The following OCA2 variants were observed in gnomAD, a reference collection of about 807,000 sequenced individuals.
OCA2 encodes the protein OCA2 melanosomal transmembrane protein.
A neutral mutation model predicts 100.2 loss-of-function variants in OCA2; 77 were observed. The observed-to-expected ratio is 0.77, with a 90% CI of 0.64 to 0.93. The LOEUF is 0.93. Ranked by LOEUF, OCA2 falls within the 40% of genes least tolerant of loss-of-function variation. The pLI, the probability that OCA2 is intolerant of heterozygous loss-of-function variation, is 0.00. For synonymous variants in OCA2, 432 were observed against 439.2 expected, an observed-to-expected ratio of 0.98 and a Z score of 0.21; for missense variants, 1,062 against 1,089.1, an observed-to-expected ratio of 0.98 and a Z score of 0.35.
At chr15:27,731,154 G>A in the OCA2 span, among the ~76,000 whole-genome samples, 2 of 152,076 alleles carry the variant, frequency 1.3e-5, no homozygotes, top group Non-Finnish European at 2.9e-5. Flanking sequence ...GCTTGCACAG[G>A]CATATTCACT....
At chr15:27,879,461 G>A (rs1338594859) in intron 19 of OCA2, among the ~76,000 whole-genome samples, 2 of 152,082 alleles carry the variant, frequency 1.3e-5, no homozygotes, top group Admixed American at 1.3e-4. Context: ...AACTAATTTA[G>A]ATTTACACCA....
At chr15:27,832,603 C>T (rs1416333340) in intron 23 of OCA2, among the ~76,000 whole-genome samples, 1 of 152,152 alleles carries the variant, frequency 6.6e-6, no homozygotes, top group African/African-American at 2.4e-5. Context: ...CACAGTACCA[C>T]TGACCCACAC....
chr15:27,925,825 A>C (rs2140368903), intron 19 of OCA2, among the ~76,000 whole-genome samples: 1 of 152,358 alleles, frequency 6.6e-6, no homozygotes, highest in South Asian at 2.1e-4. Context: ...TGCTGTTATA[A>C]GTAATTTAGC....
intron 7 of OCA2, among the ~76,000 whole-genome samples, chr15:28,018,021 A>C (rs559541107): frequency 6.6e-6 from 1 of 152,226 alleles, no homozygotes; most frequent in African/African-American, 2.4e-5. Flanking sequence ...GATGTCCACA[A>C]ACACAGTAAC....
intron 4 of OCA2, among the ~76,000 whole-genome samples, chr15:28,025,356 G>A (rs1352456498): frequency 2.0e-5 from 3 of 152,164 alleles, no homozygotes. Flanking sequence ...TTGCTATGCC[G>A]TTACTGGTTG....
chr15:28,050,039 G>A (rs1288745711), intron 2 of OCA2, among the ~76,000 whole-genome samples: 1 of 152,146 alleles, frequency 6.6e-6, no homozygotes, highest in Non-Finnish European at 1.5e-5. Flanking sequence ...AACTCTTTGG[G>A]AGGCTAAGGC....
At chr15:27,765,133 G>A (rs1257888543) in intron 23 of OCA2, among the ~76,000 whole-genome samples, 1 of 152,112 alleles carries the variant, frequency 6.6e-6, no homozygotes, top group Non-Finnish European at 1.5e-5. Flanking sequence ...TACCAGGTGA[G>A]TGTAGCAGGC....
intron 14 of OCA2, among the ~76,000 whole-genome samples, chr15:27,971,111 C>T (rs1430984078): frequency 4.0e-5 from 6 of 150,714 alleles, no homozygotes; most frequent in South Asian, 2.1e-4. Flanking sequence ...GGTGAGAACA[C>T]GGAAAGAACC....
chr15:27,916,409 C>A (rs1259402586), intron 19 of OCA2, among the ~76,000 whole-genome samples: 1 of 152,102 alleles, frequency 6.6e-6, no homozygotes, highest in Non-Finnish European at 1.5e-5. Context: ...ATTTCTTCTT[C>A]TAAGGGTAAA....
At chr15:28,078,938 C>T (rs1002086457) in intron 2 of OCA2, among the ~76,000 whole-genome samples, 2 of 152,088 alleles carry the variant, frequency 1.3e-5, no homozygotes, top group Non-Finnish European at 2.9e-5. Context: ...GTAACTGACC[C>T]AAGAAATTGC....
chr15:27,843,063 A>G (rs888063522), intron 23 of OCA2, among the ~76,000 whole-genome samples: 4 of 151,984 alleles, frequency 2.6e-5, no homozygotes, highest in Non-Finnish European at 4.4e-5. Context: ...TTAAAAAAAT[A>G]CTAATGCCAG....
In OCA2 at chr15:28,081,390, A is replaced by T. The variant is rs79878851; in HGVS notation, c.227+258T>A. Among the ~76,000 whole-genome samples, 11,914 of 152,280 alleles carry T rather than the reference A, an allele frequency of 0.078. 579 individuals carry two copies. The highest frequency in any genetic ancestry group is 0.22 in the East Asian group (1,152 of 5,182). ...AATTGCAGAATAATTGCAATACTTTAAATAATATATTAAGTGTTAAGTCTT... is the reference window on the plus strand; with the variant it reads ...AATTGCAGAATAATTGCAATACTTTTAATAATATATTAAGTGTTAAGTCTT... On this transcript the variant is annotated intron_variant, in intron 2 of 23. Transcript: ENST00000354638.
At chr15:27,871,737 T>C (rs1265378783) in intron 20 of OCA2, 126 bp downstream of exon 20, 1 of 744,630 alleles carries the variant, frequency 1.3e-6, no homozygotes, top group Non-Finnish European at 2.4e-6. Flanking sequence ...TAGAACAGGT[T>C]CCCTGCTGTG....
At chr15:28,027,545 C>A (rs1373033654) in intron 4 of OCA2, among the ~76,000 whole-genome samples, 1 of 152,148 alleles carries the variant, frequency 6.6e-6, no homozygotes, top group Non-Finnish European at 1.5e-5. Context: ...AATTCCAAAA[C>A]GCCACGGGGA....
chr15:27,920,671 CAAT>C (rs1009323942), intron 19 of OCA2, among the ~76,000 whole-genome samples: 26 of 151,870 alleles, frequency 1.7e-4, no homozygotes, highest in South Asian at 4.2e-4. Flanking sequence ...AAAATGATAA[CAAT>C]GATGCATTAA....
chr15:28,034,108 A>AC (rs1008695860), intron 2 of OCA2, among the ~76,000 whole-genome samples: 14 of 152,150 alleles, frequency 9.2e-5, no homozygotes, highest in South Asian at 8.3e-4. Context: ...ACATAGCAAG[A>AC]CCCCATCTCT....
At chr15:28,042,436 G>A (rs965744727) in intron 2 of OCA2, among the ~76,000 whole-genome samples, 5 of 149,724 alleles carry the variant, frequency 3.3e-5, no homozygotes, top group African/African-American at 1.2e-4. Context: ...AGACCAGCCT[G>A]GCCAACATGA....
chr15:27,890,384 G>A (rs1397810997), intron 19 of OCA2, among the ~76,000 whole-genome samples: 1 of 152,102 alleles, frequency 6.6e-6, no homozygotes, highest in Non-Finnish European at 1.5e-5. Flanking sequence ...ATAACACGAT[G>A]AACCCAAAGA....
intron 5 of OCA2, among the ~76,000 whole-genome samples, chr15:28,024,332 C>A (rs1396280857): frequency 6.6e-6 from 1 of 152,194 alleles, no homozygotes; most frequent in African/African-American, 2.4e-5. Context: ...TGTGAATGTT[C>A]ATGTATTTGA....
Sources: gnomAD v4.1 joint callset for allele counts (sites outside exome capture counted in the v4.1 genomes callset) on GRCh38, gnomAD v4.1.1 for gene constraint, MANE v1.5 for transcripts, NCBI Gene and HGNC (gene_info 2026-07-23, HGNC 2026-07-21) for gene names.